LARS2: variants seen among roughly 807,000 people sequenced by gnomAD.
LARS2 encodes leucine--tRNA ligase, mitochondrial.
In LARS2, 81 loss-of-function variants were observed where a neutral mutation model predicts 116.6. That is an observed-to-expected ratio of 0.69 (90% CI 0.58 to 0.84). The LOEUF (loss-of-function observed/expected upper bound fraction) is 0.84, where lower values mean the gene tolerates loss of function less well. LARS2 is among the 40% of genes least tolerant of loss of function. The pLI is 0.00. For missense variants in LARS2, 968 were observed against 1,114.5 expected, an observed-to-expected ratio of 0.87 and a Z score of 1.87; for synonymous variants, 396 against 407.2, an observed-to-expected ratio of 0.97 and a Z score of 0.33.
chr3:45,514,971 A>C (rs1041392256), intron 16 of LARS2, among the ~76,000 whole-genome samples: 1 of 152,200 alleles, frequency 6.6e-6, no homozygotes, highest in African/African-American at 2.4e-5. Context: ...TACTTTGATC[A>C]GCAAGGGCAG....
intron 6 of LARS2, among the ~76,000 whole-genome samples, chr3:45,444,679 A>C (rs899914644): frequency 2.7e-5 from 4 of 150,342 alleles, no homozygotes; most frequent in African/African-American, 9.7e-5. Flanking sequence ...AAAAAAAAAA[A>C]AAAAAACAAT....
rs982230835 is a variant in LARS2, at chr3:45,504,772, T to G, written c.1760+4193T>G. ...TGTTTTTTTTGTTTTGTTTTGTTTG[T>G]TTTTTTTTTTAAGAAATTGAGTTTA... On this transcript the variant is annotated intron_variant, in intron 15 of 21. Coordinates refer to ENST00000645846, the MANE Select transcript of LARS2 (RefSeq NM_015340.4). Among the ~76,000 whole-genome samples, 39 of 143,386 alleles carry G rather than the reference T, an allele frequency of 2.7e-4. 1 individual carries two copies. Among genetic ancestry groups the G allele is most frequent in the African/African-American group, 9.0e-4 (36 of 40,010 alleles). The allele number at this position is 143,386 out of a possible 152,430, so 94.1% of individuals were successfully genotyped here.
At chr3:45,482,529 C>A (rs1699720093) in intron 10 of LARS2, among the ~76,000 whole-genome samples, 1 of 152,184 alleles carries the variant, frequency 6.6e-6, no homozygotes, top group Admixed American at 6.5e-5. Flanking sequence ...TGTCACCTTG[C>A]TAAAACGTTT....
intron 4 of LARS2, among the ~76,000 whole-genome samples, chr3:45,415,876 TAGAGAGAGAGAGAGAGGGAG>T (rs1289564477): frequency 0.062 from 4,245 of 68,808 alleles, 289 homozygotes; most frequent in African/African-American, 0.16. Flanking sequence ...TATATATATA[TAGAGAGAGAGAGAGAGGGAG>T]AGAGAGAGAG....
chr3:45,539,524 A>T (rs1700759675), intron 20 of LARS2, among the ~76,000 whole-genome samples: 1 of 152,110 alleles, frequency 6.6e-6, no homozygotes, highest in South Asian at 2.1e-4. Context: ...TCAGCTACTC[A>T]GGAGGCTGAG....
At position 45,491,572 on chromosome 3, in the gene LARS2, G is replaced by A; in HGVS notation, c.1295G>A (p.Gly432Glu). The A allele has an allele frequency of 6.2e-7, 1 of 1,614,186 alleles. No individual in the cohort carries two copies. The highest frequency in any genetic ancestry group is 1.1e-5 in the South Asian group (1 of 91,088). ...AFLALTQKAR[G>E]KRVGGDVTSD... The stretch of plus-strand genomic sequence containing the variant: ...CTAGCCCTGACTCAGAAAGCCCGGG[G>A]GAAGAGAGTGGGTGGAGACGTGACA... Residue 432 changes from glycine to glutamate, a missense_variant, in exon 13 of 22, where the codon GGG becomes GAG. Coordinates refer to ENST00000645846, the MANE Select transcript of LARS2 (RefSeq NM_015340.4).
chr3:45,498,570 G>A (rs978150493), intron 14 of LARS2, among the ~76,000 whole-genome samples: 1 of 152,222 alleles, frequency 6.6e-6, no homozygotes, highest in Admixed American at 6.5e-5. Context: ...TGGTAGCCAG[G>A]CTCTTTTTTC....
chr3:45,491,540 T>C lies in LARS2; in HGVS notation c.1263T>C (p.Asp421=). 1.2e-6 allele frequency: 2 copies of C among 1,614,164 alleles called. No homozygotes were observed. The highest frequency in any genetic ancestry group is 1.7e-6 in the Non-Finnish European group (2 of 1,180,014). ...SAEFTGMTRQ[D]AFLALTQKAR... ...AGTTCACAGGTATGACCCGGCAGGA[T>C]GCTTTTCTAGCCCTGACTCAGAAAG... is the stretch of plus-strand genomic sequence containing the variant. Residue 421 remains aspartate, a synonymous_variant, in exon 13 of 22, where the codon GAT becomes GAC. Transcript: ENST00000645846.
At chr3:45,487,299 A>G (rs1350657074) in intron 11 of LARS2, among the ~76,000 whole-genome samples, 5 of 151,980 alleles carry the variant, frequency 3.3e-5, no homozygotes, top group Non-Finnish European at 7.4e-5. Flanking sequence ...TCAACCTTCA[A>G]CTCCACTCAA....
chr3:45,539,495 G>C (rs1201250187), intron 20 of LARS2, among the ~76,000 whole-genome samples: 1 of 152,106 alleles, frequency 6.6e-6, no homozygotes, highest in Admixed American at 6.6e-5. Context: ...GCCAGGCGTG[G>C]TGGTGCACAC....
At chr3:45,513,623 C>T (rs1315623818) in intron 16 of LARS2, among the ~76,000 whole-genome samples, 2 of 152,212 alleles carry the variant, frequency 1.3e-5, no homozygotes, top group African/African-American at 4.8e-5. Flanking sequence ...TTTCTCCCAA[C>T]ATGTTCTAGT....
intron 7 of LARS2, among the ~76,000 whole-genome samples, chr3:45,453,759 C>G (rs1300250976): frequency 1.3e-5 from 2 of 151,958 alleles, no homozygotes; most frequent in African/African-American, 4.8e-5. Context: ...AAGAAAGAAG[C>G]TAATAGACCT....
intron 14 of LARS2, among the ~76,000 whole-genome samples, chr3:45,498,976 T>G (rs1700070158): frequency 6.6e-6 from 1 of 152,124 alleles, no homozygotes; most frequent in African/African-American, 2.4e-5. Context: ...CTTTAAAAAA[T>G]AAAATCAAAT....
intron 20 of LARS2, among the ~76,000 whole-genome samples, chr3:45,533,077 C>T (rs375453144): frequency 1.4e-5 from 2 of 142,602 alleles, no homozygotes; most frequent in African/African-American, 5.2e-5. Flanking sequence ...ATTTTGCAGA[C>T]TTTTATTATC....
At chr3:45,537,068 G>T (rs1196247244) in intron 20 of LARS2, among the ~76,000 whole-genome samples, 1 of 151,990 alleles carries the variant, frequency 6.6e-6, no homozygotes, top group Admixed American at 6.6e-5. Flanking sequence ...TTGTCTTTGT[G>T]TGCCTCTTTG....
chr3:45,496,275 G>A lies in LARS2; in HGVS notation c.1524G>A (p.Arg508=). Residue 508 remains arginine (R), a splice_region_variant and synonymous_variant, in exon 14 of 22, where the codon AGG becomes AGA. Transcript: ENST00000645846. ...ASEWVNCSCP[R]CKGAAKRETD... is the part of the protein sequence containing the mutation. ...TTGATGAATTTCATTTCTTTCTTAG[G>A]TGCAAGGGAGCAGCCAAGAGAGAGA... 1.2e-6 allele frequency: 2 copies of A among 1,611,140 alleles called. No homozygotes were observed. The highest frequency in any genetic ancestry group is 8.5e-7 in the Non-Finnish European group (1 of 1,177,240).
chr3:45,401,730 T>C (rs1168380778), intron 4 of LARS2, among the ~76,000 whole-genome samples: 1 of 152,132 alleles, frequency 6.6e-6, no homozygotes, highest in African/African-American at 2.4e-5. Flanking sequence ...AACTTCCGAC[T>C]CTGTCTCCCA....
At chr3:45,393,085 T>C (rs1697982893) in intron 2 of LARS2, among the ~76,000 whole-genome samples, 1 of 152,228 alleles carries the variant, frequency 6.6e-6, no homozygotes, top group Admixed American at 6.5e-5. Flanking sequence ...AGTATTTACC[T>C]GTGGAAGAAG....
intron 7 of LARS2, among the ~76,000 whole-genome samples, chr3:45,452,411 T>G (rs1699149138): frequency 6.6e-6 from 1 of 152,046 alleles, no homozygotes; most frequent in African/African-American, 2.4e-5. Flanking sequence ...TGAAGGATGT[T>G]GAATTTTATT....
Sources: allele counts gnomAD v4.1 joint callset (sites outside exome capture counted in the v4.1 genomes callset), GRCh38; gene constraint gnomAD v4.1.1; transcripts MANE v1.5; gene names NCBI Gene and HGNC (gene_info 2026-07-23, HGNC 2026-07-21).